Variants in FGGY observed in about 807,000 individuals in gnomAD.
FGGY encodes the protein FGGY carbohydrate kinase domain containing.
In FGGY, 72 loss-of-function variants were observed where a neutral mutation model predicts 71.3. The ratio of observed to expected loss-of-function variants is 1.01; its 90% CI spans 0.84 to 1.23. The LOEUF (loss-of-function observed/expected upper bound fraction) is 1.23, where lower values mean the gene tolerates loss of function less well. Ranked by LOEUF, FGGY falls within the 50% of genes most tolerant of loss-of-function variation. The pLI, the probability that FGGY is intolerant of heterozygous loss-of-function variation, is 0.00. For missense variants in FGGY, 668 were observed against 682.3 expected (o/e 0.98, Z 0.23); for synonymous variants, 251 against 250.3 (o/e 1.00, Z -0.02).
At chr1:59,566,851 A>G (rs1200040460) in intron 8 of FGGY, among the ~76,000 whole-genome samples, 1 of 152,160 alleles carries the variant, frequency 6.6e-6, no homozygotes, top group African/African-American at 2.4e-5. Flanking sequence ...AGAACTGAGT[A>G]TAGTGATGTT....
intron 11 of FGGY, among the ~76,000 whole-genome samples, chr1:59,651,222 A>G (rs2097156673): frequency 6.6e-6 from 1 of 152,142 alleles, no homozygotes; most frequent in Non-Finnish European, 1.5e-5. Flanking sequence ...AAAAATGTAT[A>G]TTCTGTTGAT....
rs141970799 is a variant in FGGY at position 59,628,006 on chromosome 1, G to A, written c.1073+1957G>A. The stretch of plus-strand genomic sequence containing the variant: ...TAATGGAAATAGATAATCAACATTA[G>A]GTAAACACTACAGAGATAAATGTTG... On this transcript the variant is annotated intron_variant, in intron 10 of 15. Transcript: ENST00000303721. Among the ~76,000 whole-genome samples, 56 of 152,188 alleles carry A rather than the reference G, an allele frequency of 3.7e-4. No individual in the cohort carries two copies. In the East Asian group the frequency reaches 5.8e-3, roughly 16 times the overall value.
At chr1:59,539,612 A>G (rs1469830660) in intron 7 of FGGY, among the ~76,000 whole-genome samples, 2 of 152,182 alleles carry the variant, frequency 1.3e-5, no homozygotes, top group Non-Finnish European at 2.9e-5. Context: ...TACATTCCAA[A>G]CAGATTAAAA....
chr1:59,480,150 T>C (rs778288939), intron 6 of FGGY, among the ~76,000 whole-genome samples: 5 of 152,176 alleles, frequency 3.3e-5, no homozygotes, highest in Non-Finnish European at 5.9e-5. Flanking sequence ...GCAGCCAGCA[T>C]GAACTTTTTA....
At chr1:59,610,596 G>A (rs372148855) in intron 9 of FGGY, among the ~76,000 whole-genome samples, 173 of 152,314 alleles carry the variant, frequency 1.1e-3, no homozygotes, top group African/African-American at 4.0e-3. Flanking sequence ...CGATGCAGAC[G>A]ACCAGTGATT....
chr1:59,432,394 G>A (rs1278364140), intron 5 of FGGY, among the ~76,000 whole-genome samples: 1 of 152,204 alleles, frequency 6.6e-6, no homozygotes, highest in Non-Finnish European at 1.5e-5. Context: ...CAGAAGTATG[G>A]AAGGCCTAGA....
chr1:59,451,771 G>T (rs79212178), intron 5 of FGGY, among the ~76,000 whole-genome samples: 1 of 152,076 alleles, frequency 6.6e-6, no homozygotes, highest in Non-Finnish European at 1.5e-5. Context: ...ATAATATTTT[G>T]TCTGGGTATA....
chr1:59,482,634 G>GTATATATA lies in FGGY; in HGVS notation c.670+25569_670+25576dup, dbSNP rs3990413. Reference sequence around the variant, plus strand: ...CATATGTGTGTGTGTGTGTCTGTGTGTATATATATATATATATAAACACCA... The same window carrying GTATATATA: ...CATATGTGTGTGTGTGTGTCTGTGTGTATATATATATATATATATATATATAAACACCA... On this transcript the variant is annotated intron_variant, in intron 6 of 15. Coordinates refer to ENST00000303721, the MANE Select transcript of FGGY (RefSeq NM_018291.5). Among the ~76,000 whole-genome samples the GTATATATA allele has an allele frequency of 4.1e-3, 611 of 147,534 alleles. 3 individuals are homozygous for GTATATATA. The highest frequency in any genetic ancestry group is 0.014 in the African/African-American group (547 of 39,968).
chr1:59,573,073 A>G (rs376087657), intron 8 of FGGY, among the ~76,000 whole-genome samples: 2 of 152,356 alleles, frequency 1.3e-5, no homozygotes, highest in African/African-American at 4.8e-5. Flanking sequence ...GGGAGATTCT[A>G]TAAAATAACT....
At chr1:59,700,944 A>G (rs2097704339) in intron 14 of FGGY, among the ~76,000 whole-genome samples, 1 of 152,192 alleles carries the variant, frequency 6.6e-6, no homozygotes, top group Admixed American at 6.6e-5. Flanking sequence ...TGTGTGAAGG[A>G]AAGCAAAAAA....
rs552574636 is a variant in FGGY at position 59,602,523 on chromosome 1, A to C, written c.904-5280A>C. On this transcript the variant is annotated intron_variant, in intron 8 of 15. Coordinates refer to ENST00000303721, the MANE Select transcript of FGGY (RefSeq NM_018291.5). ...AATTGGATTTTTGAGAATCAGTAGG[A>C]TCTGTTGATGCAAAACTATACCCAT... Among the ~76,000 whole-genome samples the C allele has an allele frequency of 3.9e-5, 6 of 152,276 alleles. No homozygotes were observed. The East Asian group carries it at 5.8e-4, about 15-fold the overall frequency.
intron 3 of FGGY, among the ~76,000 whole-genome samples, chr1:59,341,488 AATG>A (rs2050683289): frequency 6.6e-6 from 1 of 152,244 alleles, no homozygotes; most frequent in Non-Finnish European, 1.5e-5. Context: ...GCACAGTGGT[AATG>A]ATGACCATTT....
At chr1:59,368,269 C>T (rs542571910) in intron 4 of FGGY, among the ~76,000 whole-genome samples, 12 of 152,286 alleles carry the variant, frequency 7.9e-5, no homozygotes, top group Non-Finnish European at 1.0e-4. Context: ...TGAAATTGTA[C>T]GGAAATGTGC....
intron 5 of FGGY, among the ~76,000 whole-genome samples, chr1:59,450,855 A>C (rs2072535873): frequency 6.6e-6 from 1 of 152,018 alleles, no homozygotes; most frequent in Admixed American, 6.6e-5. Flanking sequence ...GTCATTTAAA[A>C]ATTTTTTTGT....
intron 8 of FGGY, among the ~76,000 whole-genome samples, chr1:59,579,170 C>T (rs183496618): frequency 6.6e-6 from 1 of 152,222 alleles, no homozygotes; most frequent in East Asian, 1.9e-4. Flanking sequence ...ACAGCTGCGC[C>T]CTCCCTTCTC....
intron 14 of FGGY, among the ~76,000 whole-genome samples, chr1:59,695,526 C>T (rs977770002): frequency 3.3e-5 from 5 of 152,184 alleles, no homozygotes; most frequent in Non-Finnish European, 5.9e-5. Context: ...TGAGTTCCTA[C>T]TCAATGAGTC....
At chr1:59,308,615 T>A (rs766872618) in intron 1 of FGGY, among the ~76,000 whole-genome samples, 3 of 152,196 alleles carry the variant, frequency 2.0e-5, no homozygotes, top group Non-Finnish European at 4.4e-5. Context: ...CACAGACTGC[T>A]GAACCCCACC....
intron 4 of FGGY, 134 bp downstream of exon 4, chr1:59,346,532 C>T (rs1474356223): frequency 9.2e-6 from 9 of 980,894 alleles, no homozygotes; most frequent in Non-Finnish European, 1.2e-5. Flanking sequence ...GAAGGTTGAT[C>T]CCATTTTATT....
At chr1:59,526,355 C>G (rs892671135) in intron 7 of FGGY, among the ~76,000 whole-genome samples, 1 of 152,166 alleles carries the variant, frequency 6.6e-6, no homozygotes, top group African/African-American at 2.4e-5. Context: ...GTGTAAAAAG[C>G]AAGGCAGAGA....
Sources: allele counts gnomAD v4.1 joint callset (sites outside exome capture counted in the v4.1 genomes callset), GRCh38; gene constraint gnomAD v4.1.1; transcripts MANE v1.5; gene names NCBI Gene and HGNC (gene_info 2026-07-23, HGNC 2026-07-21).